SPG7: variants seen among roughly 807,000 people sequenced by gnomAD.
SPG7 encodes mitochondrial inner membrane m-AAA protease component paraplegin.
A neutral mutation model predicts 81.9 loss-of-function variants in SPG7; 103 were observed. The ratio of observed to expected loss-of-function variants is 1.26; its 90% CI spans 1.07 to 1.48. SPG7 has a LOEUF of 1.48. Ranked by LOEUF, SPG7 falls within the 40% of genes most tolerant of loss-of-function variation. The pLI, the probability that SPG7 is intolerant of heterozygous loss-of-function variation, is 0.00. For missense variants in SPG7, 1,241 were observed against 1,087.3 expected, an observed-to-expected ratio of 1.14 and a Z score of -1.99; for synonymous variants, 534 against 444.2, an observed-to-expected ratio of 1.20 and a Z score of -2.54.
intron 9 of SPG7, chr16:89,533,628 C>T (rs1027902329): frequency 6.6e-6 from 1 of 152,104 alleles, no homozygotes; most frequent in Non-Finnish European, 1.5e-5. Context: ...GAGGGTGTGA[C>T]GCTGGTTAGA....
intron 2 of SPG7, among the ~76,000 whole-genome samples, 171 bp downstream of exon 2, chr16:89,510,763 C>T (rs1221085501): frequency 1.3e-5 from 2 of 152,146 alleles, no homozygotes; most frequent in African/African-American, 4.8e-5. Flanking sequence ...CTCCTGGGCT[C>T]AAGGGATCCT....
intron 13 of SPG7, chr16:89,551,897 A>G (rs1208769379): frequency 1.3e-5 from 2 of 150,990 alleles, no homozygotes; most frequent in Non-Finnish European, 3.0e-5. Context: ...TCTCAAAGGG[A>G]AAAAAAAAGA....
At chr16:89,537,303 A>G in intron 9 of SPG7, 2 of 1,292,194 alleles carry the variant, frequency 1.5e-6, no homozygotes, top group South Asian at 3.6e-5. Flanking sequence ...GAAGGGCGCA[A>G]GTCAAAGAGC....
chr16:89,532,329 G>A lies in SPG7; in HGVS notation c.1151-134G>A, dbSNP rs117914800. ...CCAGGGGCCCCCGCGAGCAGCTGCC[G>A]TGTGTCTGTTTGTAGGGAATGGAGC... On this transcript the variant is annotated intron_variant, in intron 8 of 16. Coordinates refer to ENST00000645818, the MANE Select transcript of SPG7 (RefSeq NM_003119.4). 89 of 1,172,682 alleles carry A rather than the reference G, an allele frequency of 7.6e-5. No individual in the cohort carries two copies. The Middle Eastern group carries it at 3.8e-3, about 50-fold the overall frequency. 72.6% of individuals were successfully genotyped at this position (1,172,682 alleles called of 1,614,324 possible). A position where few individuals can be genotyped will look rare whatever the true frequency, so the allele number is the denominator to read the frequency against.
In SPG7 at chr16:89,509,021, C is replaced by T. The variant is rs746332745; in HGVS notation, c.183+421C>T. 5.0e-5 allele frequency: 23 copies of T among 457,338 alleles called. No homozygotes were observed. In the Middle Eastern group the frequency reaches 3.2e-3, roughly 64 times the overall value. 28.3% of individuals were successfully genotyped at this position (457,338 alleles called of 1,614,324 possible). A position where few individuals can be genotyped will look rare whatever the true frequency, so the allele number is the denominator to read the frequency against. ...TTATTGCCGAGTAGGGGGCCCAGAA[C>T]GTTTCTGTGTCCGCAAAATACCCTG... On this transcript the variant is annotated intron_variant, in intron 1 of 16. Coordinates refer to ENST00000645818, the MANE Select transcript of SPG7 (RefSeq NM_003119.4).
chr16:89,546,022 G>T, intron 10 of SPG7: 1 of 386,646 alleles, frequency 2.6e-6, no homozygotes, highest in Non-Finnish European at 5.2e-6. Context: ...GTCTCGCTGT[G>T]TTGCCAAGGC....
chr16:89,527,773 C>G (rs1377296773), intron 5 of SPG7, among the ~76,000 whole-genome samples: 8 of 152,090 alleles, frequency 5.3e-5, no homozygotes, highest in Admixed American at 5.2e-4. Context: ...ATGTAGAATG[C>G]CAGTGACTGG....
chr16:89,508,556 A>G lies in SPG7; in HGVS notation c.139A>G (p.Arg47Gly). 6.6e-7 allele frequency: 1 copy of G among 1,504,192 alleles called. No individual in the cohort carries two copies. 93.2% of individuals were successfully genotyped at this position (1,504,192 alleles called of 1,614,324 possible). Residue 47 changes from arginine to glycine, a missense_variant, in exon 1 of 17, where the codon AGG (arginine) becomes GGG (glycine). Transcript: ENST00000645818. Reference sequence around the variant, plus strand: ...GAGGGGGCGGCCGTACATGGCCAGCAGGCCTCCGGGGGACCTCGCCGAGGC... The same window carrying G: ...GAGGGGGCGGCCGTACATGGCCAGCGGGCCTCCGGGGGACCTCGCCGAGGC... ...PGRGRPYMAS[R>G]PPGDLAEAGG...
intron 10 of SPG7, 68 bp from the exon 11 acceptor site, chr16:89,546,590 A>C: frequency 1.1e-5 from 11 of 1,016,304 alleles, no homozygotes; most frequent in Non-Finnish European, 1.6e-5. Context: ...CCCCACAGAC[A>C]AACATGCCGC....
In SPG7 at chr16:89,512,984, A is replaced by G. The variant is rs773212880; in HGVS notation, c.323A>G (p.Gln108Arg). ...TFYFNTSRLK[Q>R]KNKEKDKSKG... ...TATTTTAACACCTCAAGGTTGAAGC[A>G]GAAGAATAAGGAGAAGGATAAGTCG... The change falls in exon 3 of 17, where the codon CAG becomes CGG. Residue 108 changes from glutamine (Q) to arginine (R), a missense_variant. Transcript: ENST00000645818. The G allele has an allele frequency of 1.9e-6, 3 of 1,613,254 alleles. No individual in the cohort carries two copies. Among genetic ancestry groups the G allele is most frequent in the Non-Finnish European group, 2.5e-6 (3 of 1,179,394 alleles).
At chr16:89,518,407 G>T (rs1312125994) in intron 3 of SPG7, 1 of 152,180 alleles carries the variant, frequency 6.6e-6, no homozygotes, top group Non-Finnish European at 1.5e-5. Flanking sequence ...TAACACGAAT[G>T]AACCTGGAAG....
At position 89,553,058 on chromosome 16, in the gene SPG7, A is replaced by G. The variant is rs2058651740; in HGVS notation, c.1859A>G (p.Glu620Gly). The G allele has an allele frequency of 1.2e-6, 2 of 1,613,914 alleles. No homozygotes were observed. Among genetic ancestry groups the G allele is most frequent in the South Asian group, 1.1e-5 (1 of 91,062 alleles). ...AGAGACCAGCACCTCTTCACCAAGG[A>G]GCAGCTGTTTGAGCGGATGTGCATG... ...LPRDQHLFTK[E>G]QLFERMCMAL... The change falls in exon 14 of 17, where the codon GAG (glutamate) becomes GGG (glycine). Residue 620 changes from glutamate (E) to glycine (G), a missense_variant. Physicochemically the swap from Glu to Gly is moderately conservative, Grantham distance 98. Transcript: ENST00000645818.
At chr16:89,546,211 C>G (rs926063211) in intron 10 of SPG7, 8 of 308,536 alleles carry the variant, frequency 2.6e-5, no homozygotes, top group African/African-American at 8.7e-5. Context: ...CTCAGCCTCC[C>G]GAGTAGCTGG....
At chr16:89,529,747 G>A (rs1173158026) in intron 6 of SPG7, 168 bp downstream of exon 6, 1 of 685,830 alleles carries the variant, frequency 1.5e-6, no homozygotes, top group African/African-American at 1.8e-5. Context: ...CGGCTGTAAG[G>A]CGTGTAGTAA....
intron 2 of SPG7, among the ~76,000 whole-genome samples, chr16:89,511,160 A>G (rs1334988649): frequency 1.3e-5 from 2 of 152,182 alleles, no homozygotes; most frequent in Non-Finnish European, 2.9e-5. Context: ...TTTAAAAAAA[A>G]TTCTGCTGTA....
In SPG7 at chr16:89,526,419, G is replaced by A; in HGVS notation, c.709G>A (p.Ala237Thr). ...AGCTGAAGATGAGCTGAATATCGAG[G>A]CCAAGGACAGGATCCCAGTTTCCTA... The part of the protein sequence containing the change: ...RAAEDELNIE[A>T]KDRIPVSYKR... The change falls in exon 5 of 17, where the codon GCC (alanine) becomes ACC (threonine). Residue 237 changes from alanine (A) to threonine (T), a missense_variant. By Grantham distance (58) the Ala-to-Thr change is moderately conservative (BLOSUM62 0). Transcript: ENST00000645818. The A allele has an allele frequency of 1.2e-6, 2 of 1,614,184 alleles. No individual in the cohort carries two copies. Among genetic ancestry groups the A allele is most frequent in the South Asian group, 1.1e-5 (1 of 91,082 alleles).
chr16:89,537,004 T>C, intron 9 of SPG7: 9 of 1,612,924 alleles, frequency 5.6e-6, no homozygotes, highest in Non-Finnish European at 7.6e-6. Flanking sequence ...ATCATAAGAA[T>C]AGCTGCTTCC....
chr16:89,537,096 C>T, intron 9 of SPG7: 1 of 1,516,872 alleles, frequency 6.6e-7, no homozygotes, highest in South Asian at 1.2e-5. Context: ...TCCCTTTATG[C>T]AGAGCCACAG....
chr16:89,512,796 C>T, intron 2 of SPG7, 152 bp from the exon 3 acceptor site: 1 of 735,494 alleles, frequency 1.4e-6, no homozygotes, highest in South Asian at 1.5e-5. Context: ...ATAGGATATG[C>T]TTTATTTCAT....
Sources: gnomAD v4.1 joint callset for allele counts (sites outside exome capture counted in the v4.1 genomes callset) on GRCh38, gnomAD v4.1.1 for gene constraint, MANE v1.5 for transcripts, NCBI Gene and HGNC (gene_info 2026-07-23, HGNC 2026-07-21) for gene names.